Variants in STARD9 observed in about 807,000 individuals in gnomAD.
The protein encoded by STARD9 is stAR-related lipid transfer protein 9.
In STARD9, 346 loss-of-function variants were observed where a neutral mutation model predicts 399.8. The observed-to-expected ratio is 0.87, with a 90% CI of 0.79 to 0.95. The LOEUF is 0.95. Ranked by LOEUF, STARD9 falls within the 40% of genes least tolerant of loss-of-function variation. The pLI is 0.00. For missense variants in STARD9, 5,832 were observed against 5,667.5 expected, an observed-to-expected ratio of 1.03 and a Z score of -0.93; for synonymous variants, 2,203 against 2,143.5, an observed-to-expected ratio of 1.03 and a Z score of -0.77.
chr15:42,667,609 G>A (rs577240569), intron 15 of STARD9, among the ~76,000 whole-genome samples: 129 of 152,040 alleles, frequency 8.5e-4, no homozygotes, highest in Non-Finnish European at 1.6e-3. Flanking sequence ...AGCCTCCCAA[G>A]TTGGGATTAC....
In STARD9 at chr15:42,716,329, G is replaced by GA. The variant is rs1463580503; in HGVS notation, c.13285-348_13285-347insA. Among the ~76,000 whole-genome samples, 4 of 152,192 alleles carry GA rather than the reference G, an allele frequency of 2.6e-5. No individual in the cohort carries two copies. In the East Asian group the frequency reaches 7.7e-4, roughly 29 times the overall value. Reference sequence around the variant, plus strand: ...CCCCTCTAGCCATGGCCTCATTCCTGTTGCCCGGGTGGTGCAGAGAGCCTC... The same window carrying GA: ...CCCCTCTAGCCATGGCCTCATTCCTGATTGCCCGGGTGGTGCAGAGAGCCTC... On this transcript the variant is annotated intron_variant, in intron 26 of 32. Coordinates refer to ENST00000290607, the MANE Select transcript of STARD9 (RefSeq NM_020759.3).
Position 42,691,667 on chromosome 15 carries a change from CAG to C in STARD9, c.10090_10091del (p.Arg3364GlyfsTer16), listed in dbSNP as rs763128847. 3.9e-6 allele frequency: 6 copies of C among 1,537,174 alleles called. No individual in the cohort carries two copies. Among genetic ancestry groups the C allele is most frequent in the African/African-American group, 1.4e-5 (1 of 73,052 alleles). ...CTAACAGATTGTGGAACCCACATCT[CAG>C]GGGCTATTCCTCAGGAAAGTCAGTG... ...GPNRLWNPHL[R>X]GYSSGKSVAR... On this transcript the variant is annotated frameshift_variant, in exon 23 of 33. Coordinates refer to ENST00000290607, the MANE Select transcript of STARD9 (RefSeq NM_020759.3). LOFTEE classifies it high-confidence loss of function.
Position 42,704,065 on chromosome 15 carries a change from G to A in STARD9, c.13284+8185G>A, listed in dbSNP as rs571609256. ...TGGGATTACAGGCACCTGACACAGC[G>A]CCCGGCTAATTTTTTTTGTATTTTT... On this transcript the variant is annotated intron_variant, in intron 26 of 32. Transcript: ENST00000290607. 5.1e-4 allele frequency among the ~76,000 whole-genome samples: 78 copies of A among 152,044 alleles called. No individual in the cohort carries two copies. In the Middle Eastern group the frequency reaches 0.01, roughly 20 times the overall value.
At chr15:42,647,861 C>T (rs555497659) in intron 7 of STARD9, among the ~76,000 whole-genome samples, 2 of 152,136 alleles carry the variant, frequency 1.3e-5, no homozygotes, top group Admixed American at 6.5e-5. Context: ...CATATTCCTT[C>T]TCCACTAGCT....
intron 3 of STARD9, among the ~76,000 whole-genome samples, chr15:42,602,942 C>T (rs935360463): frequency 4.6e-5 from 7 of 152,184 alleles, no homozygotes; most frequent in Non-Finnish European, 1.0e-4. Context: ...GGCGTGAGAG[C>T]CTTAGGTTCC....
At chr15:42,697,597 G>A (rs1168523726) in intron 26 of STARD9, among the ~76,000 whole-genome samples, 2 of 152,174 alleles carry the variant, frequency 1.3e-5, no homozygotes, top group African/African-American at 2.4e-5. Context: ...CTGTGACACC[G>A]GAAGTGGAAA....
At position 42,575,685 on chromosome 15, in the gene STARD9, T is replaced by A; in HGVS notation, c.-31T>A. 1.3e-6 allele frequency: 2 copies of A among 1,536,016 alleles called. No individual in the cohort carries two copies. Among genetic ancestry groups the A allele is most frequent in the Non-Finnish European group, 1.7e-6 (2 of 1,146,630 alleles). On this transcript the variant is annotated 5_prime_UTR_variant, in exon 1 of 33. An upstream open reading frame in the 5' UTR loses its in-frame stop. Transcript: ENST00000290607. ...GGGGCCTGGGATGCTGCCGCTGAGC[T>A]GACCCGCTGGACTTGGGTTGTGGCA...
At chr15:42,665,955 C>G in intron 15 of STARD9, 107 bp downstream of exon 15, 1 of 891,072 alleles carries the variant, frequency 1.1e-6, no homozygotes, top group South Asian at 1.4e-5. Context: ...GAAGAGCTGT[C>G]TCATTTAAAT....
intron 15 of STARD9, among the ~76,000 whole-genome samples, chr15:42,666,479 T>C (rs2060105316): frequency 6.6e-6 from 1 of 151,384 alleles, no homozygotes; most frequent in South Asian, 2.1e-4. Flanking sequence ...AAGGAAGGGG[T>C]GTGAGAGGCC....
chr15:42,599,043 C>A (rs1240428385), intron 3 of STARD9, among the ~76,000 whole-genome samples: 1 of 152,138 alleles, frequency 6.6e-6, no homozygotes, highest in East Asian at 1.9e-4. Context: ...CCTGCCTCAG[C>A]CTCCCAAGTA....
rs1252567545 is a variant in STARD9 at position 42,719,806 on chromosome 15, A to G, written c.*232A>G. 1.8e-5 allele frequency: 9 copies of G among 506,118 alleles called. No homozygotes were observed. Among genetic ancestry groups the G allele is most frequent in the Non-Finnish European group, 3.2e-5 (9 of 284,930 alleles). The allele number at this position is 506,118 out of a possible 1,614,324, so 31.4% of individuals were successfully genotyped here. A position where few individuals can be genotyped will look rare whatever the true frequency, so the allele number is the denominator to read the frequency against. ...ACGGCCTGAGCTCCTGGCCCAGACT[A>G]TCCAGAGTGAATGCAGCTCCGCTCA... is the stretch of plus-strand genomic sequence containing the variant. On this transcript the variant is annotated 3_prime_UTR_variant, in exon 33 of 33. Coordinates refer to ENST00000290607, the MANE Select transcript of STARD9 (RefSeq NM_020759.3).
At position 42,718,760 on chromosome 15, in the gene STARD9, G is replaced by C. The variant is rs560410257; in HGVS notation, c.13851G>C (p.Leu4617=). 1.4e-4 allele frequency: 214 copies of C among 1,537,194 alleles called. 2 individuals carry two copies. The highest frequency in any genetic ancestry group is 1.2e-3 in the Admixed American group (62 of 51,000). Residue 4617 remains leucine, a synonymous_variant, in exon 32 of 33, where the codon CTG becomes CTC. Transcript: ENST00000290607. ...TTTCCCTCTGTCCCCAGGGTCACCT[G>C]TCTGTCATGGCAGCCCAGTCTGTGT... ...CVCVEAKEGH[L]SVMAAQSVYD...
chr15:42,643,516 A>C (rs1273614920), intron 7 of STARD9, among the ~76,000 whole-genome samples: 1 of 150,618 alleles, frequency 6.6e-6, no homozygotes, highest in Non-Finnish European at 1.5e-5. Context: ...TTTAAAAAAA[A>C]ACAGAGTCTC....
intron 9 of STARD9, among the ~76,000 whole-genome samples, chr15:42,656,839 A>G (rs2059884026): frequency 6.6e-6 from 1 of 152,180 alleles, no homozygotes; most frequent in South Asian, 2.1e-4. Context: ...GCAACAGCAT[A>G]AGAATGAACT....
Position 42,585,625 on chromosome 15 carries a change from A to C in STARD9, c.222A>C (p.Ala74=). 1 of 1,529,030 alleles carries C rather than the reference A, an allele frequency of 6.5e-7. No homozygotes were observed. The highest frequency in any genetic ancestry group is 8.8e-7 in the Non-Finnish European group (1 of 1,139,484). 94.7% of individuals were successfully genotyped at this position (1,529,030 alleles called of 1,614,324 possible). A position where few individuals can be genotyped will look rare whatever the true frequency, so the allele number is the denominator to read the frequency against. ...TCAACCCAGAGGATCCCCAGTATGCATCTCAAGATGTGGTAATATCATTTA... is the reference window on the plus strand; with the variant it reads ...TCAACCCAGAGGATCCCCAGTATGCCTCTCAAGATGTGGTAATATCATTTA... The part of the protein sequence containing the change: ...WSVNPEDPQY[A]SQDVVFQDLG... Residue 74 remains alanine, a synonymous_variant, in exon 3 of 33, where the codon GCA becomes GCC. Coordinates refer to ENST00000290607, the MANE Select transcript of STARD9 (RefSeq NM_020759.3).
At chr15:42,695,475 C>A (rs1052208775) in intron 25 of STARD9, among the ~76,000 whole-genome samples, 152 bp downstream of exon 25, 1 of 152,224 alleles carries the variant, frequency 6.6e-6, no homozygotes, top group African/African-American at 2.4e-5. Context: ...GGCTCACTGT[C>A]TTTTTACATC....
chr15:42,715,094 A>G lies in STARD9; in HGVS notation c.13285-1583A>G, dbSNP rs114977461. ...ATGTATCAACAAAAAAAAAAAAACC[A>G]CTCAGAGAGATGAGAAGCCGGGGCC... On this transcript the variant is annotated intron_variant, in intron 26 of 32. Coordinates refer to ENST00000290607, the MANE Select transcript of STARD9 (RefSeq NM_020759.3). Among the ~76,000 whole-genome samples the G allele has an allele frequency of 3.9e-3, 593 of 150,990 alleles. 4 individuals are homozygous for G. Among genetic ancestry groups the G allele is most frequent in the African/African-American group, 0.014 (566 of 40,974 alleles).
chr15:42,684,086 C>T, intron 22 of STARD9, 30 bp from the exon 23 acceptor site: 1 of 1,503,382 alleles, frequency 6.7e-7, no homozygotes, highest in Non-Finnish European at 8.9e-7. Context: ...CCTCTCACAT[C>T]TTCTGAGATA....
chr15:42,623,501 T>C (rs540343022), intron 3 of STARD9, among the ~76,000 whole-genome samples: 1 of 152,300 alleles, frequency 6.6e-6, no homozygotes, highest in Non-Finnish European at 1.5e-5. Flanking sequence ...TCCTGTGTGG[T>C]GCTGGGTTCC....
Sources: allele counts gnomAD v4.1 joint callset (sites outside exome capture counted in the v4.1 genomes callset), GRCh38; gene constraint gnomAD v4.1.1; transcripts MANE v1.5; gene names NCBI Gene and HGNC (gene_info 2026-07-23, HGNC 2026-07-21).